The following MYZAP variants were observed in gnomAD, a reference collection of about 807,000 sequenced individuals.
MYZAP encodes GRINL1A complex locus upstream.
Under a neutral mutation model 69.4 loss-of-function variants are expected in MYZAP, and 66 were observed. The observed-to-expected ratio is 0.95, with a 90% CI of 0.78 to 1.17. MYZAP has a LOEUF of 1.17. MYZAP is among the 50% of genes most tolerant of loss of function. The pLI is 0.00. For synonymous variants in MYZAP, 256 were observed against 205.9 expected (o/e 1.24, Z -2.09); for missense variants, 611 against 556.2 (o/e 1.10, Z -0.99).
At chr15:57,680,515 A>ACACACACACACACACACG (rs796592403) in intron 12 of MYZAP, among the ~76,000 whole-genome samples, 3 of 149,988 alleles carry the variant, frequency 2.0e-5, no homozygotes, top group African/African-American at 7.5e-5. Context: ...ACACACACAC[A>ACACACACACACACACACG]CAAATGTATG....
chr15:57,628,444 A>AT (rs1474537449), intron 5 of MYZAP, among the ~76,000 whole-genome samples: 1 of 151,482 alleles, frequency 6.6e-6, no homozygotes, highest in African/African-American at 2.4e-5. Flanking sequence ...TGGTTTTTAA[A>AT]TTTTTTTTGT....
chr15:57,632,317 A>G, intron 6 of MYZAP, 117 bp from the exon 7 acceptor site: 1 of 1,514,752 alleles, frequency 6.6e-7, no homozygotes, highest in Non-Finnish European at 8.9e-7. Flanking sequence ...TCTCTGCTGC[A>G]GAACCCAGTG....
chr15:57,617,405 A>G (rs774340692), intron 2 of MYZAP, among the ~76,000 whole-genome samples: 5 of 152,188 alleles, frequency 3.3e-5, no homozygotes, highest in Non-Finnish European at 7.4e-5. Context: ...TTGCATTTCA[A>G]CAATGACCAA....
intron 10 of MYZAP, among the ~76,000 whole-genome samples, chr15:57,645,595 C>T (rs558021307): frequency 6.6e-6 from 1 of 152,302 alleles, no homozygotes; most frequent in African/African-American, 2.4e-5. Flanking sequence ...AAATGCACAG[C>T]ATGTTAATTG....
chr15:57,657,241 A>G (rs548492076), intron 10 of MYZAP, among the ~76,000 whole-genome samples: 56 of 152,314 alleles, frequency 3.7e-4, no homozygotes, highest in African/African-American at 1.2e-3. Flanking sequence ...TTGATTAAAT[A>G]TTACCCCTGA....
intron 1 of MYZAP, among the ~76,000 whole-genome samples, chr15:57,593,932 T>C (rs2033887288): frequency 6.6e-6 from 1 of 152,238 alleles, no homozygotes; most frequent in Non-Finnish European, 1.5e-5. Context: ...TTATTGAACA[T>C]TCATAAACCT....
Position 57,604,256 on chromosome 15 carries a change from C to T in MYZAP, c.76-13C>T. ...CTGACTCCTAACTGGCCTCTCCTTT[C>T]CCTCTCTTCTAGGCAAATGTTTGCA... On this transcript the variant is annotated splice_polypyrimidine_tract_variant and intron_variant, in intron 1 of 12. Coordinates refer to ENST00000267853, the MANE Select transcript of MYZAP (RefSeq NM_001018100.5). The T allele has an allele frequency of 6.2e-7, 1 of 1,613,866 alleles. No individual in the cohort carries two copies. The highest frequency in any genetic ancestry group is 8.5e-7 in the Non-Finnish European group (1 of 1,179,886).
At position 57,621,602 on chromosome 15, in the gene MYZAP, C is replaced by T; in HGVS notation, c.319-6C>T. 1 of 1,612,366 alleles carries T rather than the reference C, an allele frequency of 6.2e-7. No homozygotes were observed. The highest frequency in any genetic ancestry group is 1.3e-5 in the African/African-American group (1 of 74,894). ...GATCTCTAACTAGTATCTTTGTGGGCTACAGGTGAGAGCCACTTTGGAAAA... is the reference window on the plus strand; with the variant it reads ...GATCTCTAACTAGTATCTTTGTGGGTTACAGGTGAGAGCCACTTTGGAAAA... On this transcript the variant is annotated splice_polypyrimidine_tract_variant and splice_region_variant and intron_variant, in intron 3 of 12. Transcript: ENST00000267853.
intron 1 of MYZAP, 111 bp from the exon 2 acceptor site, chr15:57,604,158 G>C: frequency 8.9e-7 from 1 of 1,128,548 alleles, no homozygotes. Flanking sequence ...GATCAGGACA[G>C]TGTTCCCCAA....
At chr15:57,660,562 C>T (rs964655616) in intron 10 of MYZAP, among the ~76,000 whole-genome samples, 1 of 152,154 alleles carries the variant, frequency 6.6e-6, no homozygotes, top group Non-Finnish European at 1.5e-5. Context: ...CAATCCTCCT[C>T]CCTTGGCCTC....
chr15:57,673,027 C>A (rs575825311), intron 11 of MYZAP, among the ~76,000 whole-genome samples: 2 of 152,322 alleles, frequency 1.3e-5, no homozygotes, highest in South Asian at 4.1e-4. Flanking sequence ...CTTCCCTCAC[C>A]TAATTTCACT....
At chr15:57,677,080 G>C (rs1368770898) in intron 12 of MYZAP, among the ~76,000 whole-genome samples, 2 of 152,182 alleles carry the variant, frequency 1.3e-5, no homozygotes, top group Non-Finnish European at 1.5e-5. Flanking sequence ...AAGTCTGGGT[G>C]GGGAGGAGCC....
intron 4 of MYZAP, 47 bp downstream of exon 4, chr15:57,621,747 T>A: frequency 6.3e-7 from 1 of 1,593,184 alleles, no homozygotes; most frequent in Non-Finnish European, 8.6e-7. Flanking sequence ...CATGGCAGGC[T>A]CAGAGTGGTC....
chr15:57,617,666 A>G (rs1160824355), intron 2 of MYZAP, among the ~76,000 whole-genome samples: 1 of 152,206 alleles, frequency 6.6e-6, no homozygotes, highest in Non-Finnish European at 1.5e-5. Flanking sequence ...TTGAAGTCAT[A>G]TGGAGAAGCT....
In MYZAP at chr15:57,626,735, G is replaced by A. The variant is rs2036159939; in HGVS notation, c.525+843G>A. ...TTCTGGTTCTATATAAGTAATTTTA[G>A]ATAAATAAATTTTCATGTTGGGATT... On this transcript the variant is annotated intron_variant, in intron 5 of 12. Transcript: ENST00000267853. 2.6e-5 allele frequency among the ~76,000 whole-genome samples: 4 copies of A among 152,158 alleles called. No individual in the cohort carries two copies. The South Asian group carries it at 8.3e-4, about 32-fold the overall frequency.
At chr15:57,678,998 GA>G (rs368937345) in intron 12 of MYZAP, among the ~76,000 whole-genome samples, 52 of 152,186 alleles carry the variant, frequency 3.4e-4, no homozygotes, top group African/African-American at 1.1e-3. Context: ...CCAACATGGA[GA>G]AACCCCGTCT....
intron 12 of MYZAP, among the ~76,000 whole-genome samples, chr15:57,678,793 C>T (rs1480708892): frequency 1.3e-5 from 2 of 152,024 alleles, no homozygotes; most frequent in South Asian, 2.1e-4. Context: ...ACTCACTCAT[C>T]TGTACAACTG....
chr15:57,681,610 T>G (rs1008863600), intron 12 of MYZAP, among the ~76,000 whole-genome samples: 33 of 152,098 alleles, frequency 2.2e-4, no homozygotes, highest in Admixed American at 5.9e-4. Context: ...CCAGTGAAAC[T>G]CCGTCTCTAC....
At chr15:57,618,339 C>A in intron 3 of MYZAP, 151 bp downstream of exon 3, 1 of 1,286,128 alleles carries the variant, frequency 7.8e-7, no homozygotes, top group Non-Finnish European at 1.1e-6. Context: ...TGTGTATCTT[C>A]ATGGTAATGT....
Sources: gnomAD v4.1 joint callset for allele counts (sites outside exome capture counted in the v4.1 genomes callset) on GRCh38, gnomAD v4.1.1 for gene constraint, MANE v1.5 for transcripts, NCBI Gene and HGNC (gene_info 2026-07-23, HGNC 2026-07-21) for gene names.